Variants in CTDP1 observed in about 807,000 individuals in gnomAD.
The protein encoded by CTDP1 is CTD phosphatase 1.
In CTDP1, 47 loss-of-function variants were observed where a neutral mutation model predicts 91.8. The ratio of observed to expected loss-of-function variants is 0.51; its 90% CI spans 0.41 to 0.65. CTDP1 has a LOEUF of 0.65. Ranked by LOEUF, CTDP1 falls within the 30% of genes least tolerant of loss-of-function variation. The probability of loss-of-function intolerance (pLI) is 0.00; values close to 1 mark genes in which losing one functional copy is unlikely to be tolerated. For missense variants in CTDP1, 1,272 were observed against 1,373.7 expected, an observed-to-expected ratio of 0.93 and a Z score of 1.17; for synonymous variants, 656 against 598.5, an observed-to-expected ratio of 1.10 and a Z score of -1.40.
rs750766177 is a variant in CTDP1, at chr18:79,736,494, G to A, written c.2720G>A (p.Arg907Lys). 1.9e-6 allele frequency: 3 copies of A among 1,546,746 alleles called. No homozygotes were observed. The highest frequency in any genetic ancestry group is 2.4e-5 in the South Asian group (2 of 83,890). The change falls in exon 12 of 13, where the codon AGG (arginine) becomes AAG (lysine). Residue 907 changes from arginine to lysine, a missense_variant. Physicochemically the swap from Arg to Lys is conservative, Grantham distance 26. This residue lies in a region of CTDP1 where 881 missense variants were observed against 911.6 expected (regional missense o/e 0.97). Coordinates refer to ENST00000613122, the MANE Select transcript of CTDP1 (RefSeq NM_004715.5). ...RTLGAPASSE[R>K]SAAGGRGPRG... ...CTCGGGGCACCTGCGTCCAGCGAGA[G>A]GAGCGCGGCAGGGGGCCGGGGGCCC...
chr18:79,727,870 C>A (rs2086482719), intron 10 of CTDP1, among the ~76,000 whole-genome samples: 1 of 152,130 alleles, frequency 6.6e-6, no homozygotes, highest in Middle Eastern at 3.2e-3. Context: ...CACCCCTTTC[C>A]CAGAGGCTTG....
At chr18:79,701,654 G>T (rs1205034162) in intron 4 of CTDP1, among the ~76,000 whole-genome samples, 1 of 152,158 alleles carries the variant, frequency 6.6e-6, no homozygotes, top group African/African-American at 2.4e-5. Flanking sequence ...AAATCCTTCT[G>T]GAAAGGATTC....
intron 12 of CTDP1, among the ~76,000 whole-genome samples, chr18:79,741,922 C>G (rs2086785873): frequency 6.6e-6 from 1 of 152,210 alleles, no homozygotes; most frequent in Non-Finnish European, 1.5e-5. Flanking sequence ...ACTGAAAACT[C>G]CCCAAATGTA....
At chr18:79,695,530 G>A (rs977310131) in intron 2 of CTDP1, among the ~76,000 whole-genome samples, 1 of 152,094 alleles carries the variant, frequency 6.6e-6, no homozygotes, top group East Asian at 1.9e-4. Context: ...CAGGTGTGGT[G>A]GGGGGGCATG....
intron 11 of CTDP1, 158 bp from the exon 12 acceptor site, chr18:79,736,197 G>T: frequency 1.1e-6 from 1 of 910,598 alleles, no homozygotes; most frequent in South Asian, 1.5e-5. Context: ...TTAAGGATTG[G>T]TTGAGTTTCA....
At chr18:79,735,213 G>A (rs113018959) in intron 11 of CTDP1, among the ~76,000 whole-genome samples, 452 of 152,268 alleles carry the variant, frequency 3.0e-3, no homozygotes, top group Non-Finnish European at 4.9e-3. Flanking sequence ...GCCGTTTCTC[G>A]TACCTGCTGC....
intron 4 of CTDP1, among the ~76,000 whole-genome samples, chr18:79,700,532 G>A (rs114983922): frequency 0.014 from 2,151 of 152,332 alleles, 53 homozygotes; most frequent in African/African-American, 0.048. Flanking sequence ...TTCTGTGAAG[G>A]TTGAGAGGGG....
At chr18:79,728,868 C>T in intron 10 of CTDP1, 39 bp from the exon 11 acceptor site, 1 of 1,611,854 alleles carries the variant, frequency 6.2e-7, no homozygotes, top group Middle Eastern at 1.7e-4. Context: ...GCCATTCGAA[C>T]TGACCTTCCT....
intron 4 of CTDP1, chr18:79,703,651 G>A (rs921642164): frequency 2.0e-4 from 30 of 150,702 alleles, no homozygotes; most frequent in Non-Finnish European, 2.1e-4. Flanking sequence ...GAGCAGCTGC[G>A]GTGGCCTTGC....
At chr18:79,681,388 G>T (rs561694815) in intron 1 of CTDP1, 1 of 907,360 alleles carries the variant, frequency 1.1e-6, no homozygotes, top group South Asian at 5.1e-5. Context: ...GGCCGTACCT[G>T]GGAGGATTGT....
At chr18:79,682,379 C>T (rs1400673381) in intron 1 of CTDP1, among the ~76,000 whole-genome samples, 1 of 152,196 alleles carries the variant, frequency 6.6e-6, no homozygotes, top group Non-Finnish European at 1.5e-5. Context: ...GAGTAGCGCC[C>T]TGCAGTGTGG....
At chr18:79,679,703 C>G, upstream of CTDP1, 1 of 519,536 alleles carries the variant, frequency 1.9e-6, no homozygotes. Flanking sequence ...CAGGGTTGGT[C>G]CCAGGACGGA....
Position 79,680,055 on chromosome 18 carries a change from G to A in CTDP1, c.108G>A (p.Arg36=). ...CGCCGCTGCGCCTGCTGGAGTGGAGGGTGGCGGCGGGCGCGGCCGTGCGCA... is the reference window on the plus strand; with the variant it reads ...CGCCGCTGCGCCTGCTGGAGTGGAGAGTGGCGGCGGGCGCGGCCGTGCGCA... The part of the protein sequence containing the change: ...GPAPLRLLEW[R]VAAGAAVRIG... Residue 36 remains arginine, a synonymous_variant, in exon 1 of 13, where the codon AGG becomes AGA. Coordinates refer to ENST00000613122, the MANE Select transcript of CTDP1 (RefSeq NM_004715.5). 1 of 1,252,840 alleles carries A rather than the reference G, an allele frequency of 8.0e-7. No individual in the cohort carries two copies. The highest frequency in any genetic ancestry group is 3.0e-5 in the South Asian group (1 of 33,164). The allele number at this position is 1,252,840 out of a possible 1,614,324, so 77.6% of individuals were successfully genotyped here. A position where few individuals can be genotyped will look rare whatever the true frequency, so the allele number is the denominator to read the frequency against.
At chr18:79,700,821 A>G (rs1227323137) in intron 4 of CTDP1, among the ~76,000 whole-genome samples, 5 of 152,208 alleles carry the variant, frequency 3.3e-5, no homozygotes, top group Non-Finnish European at 7.4e-5. Context: ...TTCAAAGGAC[A>G]GGCTGACTCT....
intron 12 of CTDP1, among the ~76,000 whole-genome samples, chr18:79,743,218 G>C (rs946209016): frequency 2.0e-5 from 3 of 152,076 alleles, no homozygotes; most frequent in Non-Finnish European, 4.4e-5. Context: ...TAGCATGCAT[G>C]GATGTGGTAT....
intron 12 of CTDP1, among the ~76,000 whole-genome samples, chr18:79,748,994 G>A (rs72978104): frequency 0.12 from 18,347 of 152,306 alleles, 1,539 homozygotes; most frequent in Non-Finnish European, 0.19. Flanking sequence ...CCGTGGGCTC[G>A]GTTCAGGTCC....
intron 10 of CTDP1, among the ~76,000 whole-genome samples, chr18:79,726,986 G>T (rs1364443495): frequency 1.3e-5 from 2 of 149,180 alleles, no homozygotes; most frequent in Admixed American, 6.7e-5. Context: ...TGGGGGTGGG[G>T]TGACGCCGTT....
intron 10 of CTDP1, among the ~76,000 whole-genome samples, chr18:79,721,372 G>A (rs1469492860): frequency 6.6e-6 from 1 of 152,128 alleles, no homozygotes; most frequent in Non-Finnish European, 1.5e-5. Flanking sequence ...GTCAGTGAAC[G>A]GGCCAGCACC....
chr18:79,750,613 C>G (rs1555686222), intron 12 of CTDP1, among the ~76,000 whole-genome samples: 1 of 150,466 alleles, frequency 6.6e-6, no homozygotes, highest in Non-Finnish European at 1.5e-5. Flanking sequence ...CGTGCCCCGG[C>G]TTCCCGAGTA....
Sources: gnomAD v4.1 joint callset for allele counts (sites outside exome capture counted in the v4.1 genomes callset) on GRCh38, gnomAD v4.1.1 for gene constraint, gnomAD v4.1.1 regional missense constraint, MANE v1.5 for transcripts, NCBI Gene and HGNC (gene_info 2026-07-23, HGNC 2026-07-21) for gene names.